Variants in CSMD1 observed in about 807,000 individuals in gnomAD.
The protein encoded by CSMD1 is CUB and sushi domain-containing protein 1.
CSMD1 carries 213 observed loss-of-function variants against 417.5 expected under a neutral mutation model. That is an observed-to-expected ratio of 0.51 (90% CI 0.46 to 0.57). The LOEUF (loss-of-function observed/expected upper bound fraction) is 0.57, where lower values mean the gene tolerates loss of function less well. Ranked by LOEUF, CSMD1 falls within the 20% of genes least tolerant of loss-of-function variation. The probability of loss-of-function intolerance (pLI) is 0.00; values close to 1 mark genes in which losing one functional copy is unlikely to be tolerated. For synonymous variants in CSMD1, 2,862 were observed against 1,736.8 expected, an observed-to-expected ratio of 1.65 and a Z score of -16.11; for missense variants, 6,923 against 4,529.7, an observed-to-expected ratio of 1.53 and a Z score of -15.17.
At chr8:3,678,886 C>A (rs564719654) in intron 7 of CSMD1, among the ~76,000 whole-genome samples, 1 of 152,298 alleles carries the variant, frequency 6.6e-6, no homozygotes, top group African/African-American at 2.4e-5. Flanking sequence ...CAATATTCAA[C>A]ATTCTTAAAG....
At chr8:4,349,724 A>G (rs1353474370) in intron 3 of CSMD1, among the ~76,000 whole-genome samples, 1 of 152,060 alleles carries the variant, frequency 6.6e-6, no homozygotes, top group Admixed American at 6.6e-5. Context: ...CAGTTACAAG[A>G]TCATTTATTT....
intron 1 of CSMD1, among the ~76,000 whole-genome samples, chr8:4,736,796 C>G (rs1464955702): frequency 6.6e-6 from 1 of 152,156 alleles, no homozygotes. Flanking sequence ...TTTGTATAAA[C>G]AAGTGCCTTC....
chr8:3,646,050 CAA>C (rs34203421), intron 7 of CSMD1, among the ~76,000 whole-genome samples: 6 of 141,932 alleles, frequency 4.2e-5, no homozygotes, highest in African/African-American at 1.5e-4. Context: ...AATTCCCAAC[CAA>C]AAAAAAAAAG....
intron 3 of CSMD1, among the ~76,000 whole-genome samples, chr8:4,333,802 G>T (rs894037592): frequency 6.6e-6 from 1 of 152,112 alleles, no homozygotes; most frequent in Admixed American, 6.6e-5. Context: ...GAAACACATT[G>T]CTTGTGTGCA....
chr8:3,267,981 G>T (rs748435716), intron 26 of CSMD1, among the ~76,000 whole-genome samples: 10 of 152,082 alleles, frequency 6.6e-5, no homozygotes, highest in Admixed American at 6.5e-4. Flanking sequence ...ATGAAGACAG[G>T]GTCATTGCCC....
chr8:4,302,648 T>A (rs1798040016), intron 3 of CSMD1, among the ~76,000 whole-genome samples: 1 of 152,204 alleles, frequency 6.6e-6, no homozygotes, highest in African/African-American at 2.4e-5. Flanking sequence ...AGGTCAAAAC[T>A]AATAGCTGAT....
At chr8:4,111,376 A>G (rs1801846151) in intron 3 of CSMD1, among the ~76,000 whole-genome samples, 1 of 152,216 alleles carries the variant, frequency 6.6e-6, no homozygotes, top group African/African-American at 2.4e-5. Flanking sequence ...ATACACATGG[A>G]AATAAACAGT....
intron 7 of CSMD1, among the ~76,000 whole-genome samples, chr8:3,647,989 G>A (rs529115192): frequency 3.3e-5 from 5 of 152,310 alleles, no homozygotes; most frequent in South Asian, 2.1e-4. Flanking sequence ...AGGATTTTTC[G>A]AGGAGGCAGA....
chr8:4,944,888 G>T (rs1490477531), intron 1 of CSMD1, among the ~76,000 whole-genome samples: 1 of 151,892 alleles, frequency 6.6e-6, no homozygotes, highest in Non-Finnish European at 1.5e-5. Flanking sequence ...TATAATAGAG[G>T]AATCCACTTC....
At chr8:4,914,008 G>C (rs151289111) in intron 1 of CSMD1, among the ~76,000 whole-genome samples, 18 of 152,238 alleles carry the variant, frequency 1.2e-4, no homozygotes, top group Admixed American at 2.6e-4. Flanking sequence ...CACATATAAG[G>C]TGTGATGCTG....
intron 25 of CSMD1, among the ~76,000 whole-genome samples, chr8:3,297,005 T>A (rs1563240599): frequency 6.6e-6 from 1 of 152,168 alleles, no homozygotes; most frequent in Admixed American, 6.6e-5. Context: ...CTGGATGAAA[T>A]CTTCGAAGTT....
At chr8:4,279,136 G>A (rs903238356) in intron 3 of CSMD1, among the ~76,000 whole-genome samples, 42 of 151,958 alleles carry the variant, frequency 2.8e-4, no homozygotes, top group African/African-American at 7.7e-4. Context: ...GAGCATCTCC[G>A]TTTAGACGTG....
chr8:3,145,887 C>T (rs771224533), intron 40 of CSMD1, among the ~76,000 whole-genome samples: 1 of 152,294 alleles, frequency 6.6e-6, no homozygotes, highest in East Asian at 1.9e-4. Context: ...AATTAAGTGC[C>T]AGTGACAAGT....
chr8:4,825,959 A>G (rs1319564300), intron 1 of CSMD1, among the ~76,000 whole-genome samples: 4 of 152,024 alleles, frequency 2.6e-5, no homozygotes, highest in Non-Finnish European at 4.4e-5. Context: ...ATCTTTGAGG[A>G]TGACTAATTT....
At chr8:3,623,307 C>T (rs1796346816) in intron 7 of CSMD1, among the ~76,000 whole-genome samples, 1 of 152,176 alleles carries the variant, frequency 6.6e-6, no homozygotes, top group African/African-American at 2.4e-5. Context: ...AATTACCCTG[C>T]TGTTTGAGGA....
intron 5 of CSMD1, among the ~76,000 whole-genome samples, chr8:3,840,430 T>A (rs570160210): frequency 6.6e-6 from 1 of 152,178 alleles, no homozygotes; most frequent in Non-Finnish European, 1.5e-5. Context: ...TTTATTTTAT[T>A]GTGTTAGTAG....
chr8:4,707,657 C>T (rs1018365227), intron 1 of CSMD1, among the ~76,000 whole-genome samples: 3 of 151,896 alleles, frequency 2.0e-5, no homozygotes, highest in Non-Finnish European at 4.4e-5. Context: ...GAGGCCGAGG[C>T]GGGCGGATCA....
At chr8:4,416,033 T>G (rs78660551) in intron 3 of CSMD1, among the ~76,000 whole-genome samples, 7,208 of 152,274 alleles carry the variant, frequency 0.047, 242 homozygotes, top group African/African-American at 0.091. Flanking sequence ...TTATTTCACT[T>G]AGACAATTTC....
chr8:3,466,073 A>G (rs1816776684), intron 12 of CSMD1, among the ~76,000 whole-genome samples: 1 of 152,192 alleles, frequency 6.6e-6, no homozygotes, highest in Non-Finnish European at 1.5e-5. Flanking sequence ...AAAAATCTCA[A>G]AATTAAAATG....
Sources: allele counts gnomAD v4.1 joint callset (sites outside exome capture counted in the v4.1 genomes callset), GRCh38; gene constraint gnomAD v4.1.1; transcripts MANE v1.5; gene names NCBI Gene and HGNC (gene_info 2026-07-23, HGNC 2026-07-21).